The following SLC38A9 variants were observed in gnomAD, a reference collection of about 807,000 sequenced individuals.
SLC38A9 encodes neutral amino acid transporter 9.
SLC38A9 carries 48 observed loss-of-function variants against 62.3 expected under a neutral mutation model. The observed-to-expected ratio is 0.77, with a 90% confidence interval of 0.61 to 0.98. The LOEUF (loss-of-function observed/expected upper bound fraction) is 0.98, where lower values mean the gene tolerates loss of function less well. Ranked by LOEUF, SLC38A9 falls within the 50% of genes least tolerant of loss-of-function variation. The pLI is 0.00. For missense variants in SLC38A9, 541 were observed against 679.8 expected (o/e 0.80, Z 2.27); for synonymous variants, 204 against 227.7 (o/e 0.90, Z 0.94).
chr5:55,706,946 CTT>C (rs574012429), intron 2 of SLC38A9, among the ~76,000 whole-genome samples: 9 of 144,374 alleles, frequency 6.2e-5, no homozygotes, highest in Admixed American at 7.0e-5. Flanking sequence ...GATATGCTTT[CTT>C]TTTTTTTTTT....
intron 11 of SLC38A9, among the ~76,000 whole-genome samples, chr5:55,648,513 A>G (rs766220924): frequency 2.6e-5 from 4 of 152,240 alleles, no homozygotes; most frequent in Non-Finnish European, 4.4e-5. Context: ...TTGAAAAGGC[A>G]TATCAAGAAA....
chr5:55,634,204 C>T, intron 13 of SLC38A9: 1 of 211,698 alleles, frequency 4.7e-6, no homozygotes, highest in Non-Finnish European at 9.4e-6. Context: ...TCCTTCACCA[C>T]AGATAGATCG....
intron 9 of SLC38A9, among the ~76,000 whole-genome samples, chr5:55,656,091 G>T (rs1024853248): frequency 7.0e-6 from 1 of 143,506 alleles, no homozygotes; most frequent in East Asian, 2.1e-4. Flanking sequence ...AGTGATATAG[G>T]TTCTTGAAAA....
intron 2 of SLC38A9, among the ~76,000 whole-genome samples, chr5:55,704,920 C>A (rs192409632): frequency 3.0e-4 from 46 of 152,216 alleles, no homozygotes; most frequent in African/African-American, 9.6e-4. Flanking sequence ...ACTAGTCTTA[C>A]AGGGTTTCGG....
At chr5:55,678,760 A>C (rs1752595389) in intron 3 of SLC38A9, among the ~76,000 whole-genome samples, 1 of 144,996 alleles carries the variant, frequency 6.9e-6, no homozygotes, top group South Asian at 2.2e-4. Context: ...TCCTGGGCTC[A>C]AGTAATCCTC....
At chr5:55,633,976 C>G in intron 13 of SLC38A9, 74 bp from the exon 14 acceptor site, 1 of 1,211,998 alleles carries the variant, frequency 8.3e-7, no homozygotes, top group Non-Finnish European at 1.2e-6. Context: ...GGAATGTCTT[C>G]TGCTTATTTT....
chr5:55,631,772 A>T (rs1485878074), intron 14 of SLC38A9, among the ~76,000 whole-genome samples: 1 of 152,156 alleles, frequency 6.6e-6, no homozygotes, highest in East Asian at 1.9e-4. Context: ...TGTAAATGCA[A>T]TTTTTTTCAA....
chr5:55,663,193 C>T (rs1749900793), intron 8 of SLC38A9, among the ~76,000 whole-genome samples: 3 of 150,366 alleles, frequency 2.0e-5, no homozygotes, highest in African/African-American at 7.3e-5. Flanking sequence ...CCGTGCCTGG[C>T]CTGTGCCTAT....
chr5:55,653,879 G>A (rs895578064), intron 9 of SLC38A9, among the ~76,000 whole-genome samples: 2 of 152,096 alleles, frequency 1.3e-5, no homozygotes, highest in African/African-American at 2.4e-5. Flanking sequence ...GGCTGGTCAC[G>A]AACTCTTGAC....
chr5:55,682,136 G>C (rs576412582), intron 3 of SLC38A9, among the ~76,000 whole-genome samples: 1 of 147,298 alleles, frequency 6.8e-6, no homozygotes. Flanking sequence ...CCATGCCAGG[G>C]AGCATCTGAA....
intron 3 of SLC38A9, chr5:55,691,251 TC>T: frequency 8.2e-7 from 1 of 1,217,356 alleles, no homozygotes; most frequent in Non-Finnish European, 1.2e-6. Context: ...CTCTGACATA[TC>T]CAATTGTTTT....
intron 14 of SLC38A9, among the ~76,000 whole-genome samples, chr5:55,632,918 A>T (rs978979393): frequency 6.6e-6 from 1 of 152,194 alleles, no homozygotes; most frequent in East Asian, 1.9e-4. Context: ...ACCATAAAAA[A>T]GGACAATTTC....
chr5:55,701,909 A>G (rs1756698044), intron 2 of SLC38A9, among the ~76,000 whole-genome samples: 1 of 152,140 alleles, frequency 6.6e-6, no homozygotes, highest in African/African-American at 2.4e-5. Flanking sequence ...CTTTACCACT[A>G]TGCTATGCTG....
Position 55,656,731 on chromosome 5 carries a change from G to T in SLC38A9, c.741C>A (p.Thr247=). 6.3e-7 allele frequency: 1 copy of T among 1,598,270 alleles called. No individual in the cohort carries two copies. The highest frequency in any genetic ancestry group is 8.6e-7 in the Non-Finnish European group (1 of 1,167,130). ...ACTACTTACCAGGGTTGCTATTATT[G>T]GTACTCAGTATAGTGTCTGTGTCAT... ...HINDTDTILS[T]NNSNPVICPS... is the part of the protein sequence containing the mutation. The change falls in exon 9 of 16, where the codon ACC becomes ACA. Residue 247 remains threonine (T), a synonymous_variant. Transcript: ENST00000396865.
chr5:55,692,044 T>C (rs1754824602), intron 3 of SLC38A9, among the ~76,000 whole-genome samples: 1 of 152,198 alleles, frequency 6.6e-6, no homozygotes, highest in Non-Finnish European at 1.5e-5. Context: ...GGATAAGTAA[T>C]CTAAATATAT....
chr5:55,626,356 A>C lies in SLC38A9; in HGVS notation c.*138T>G. Reference sequence around the variant, plus strand: ...ATAAAAAAATACTCATTAAGGGGCCACTATTTCCCTTGCTTTCAAATTATC... The same window carrying C: ...ATAAAAAAATACTCATTAAGGGGCCCCTATTTCCCTTGCTTTCAAATTATC... On this transcript the variant is annotated 3_prime_UTR_variant, in exon 16 of 16. Coordinates refer to ENST00000396865, the MANE Select transcript of SLC38A9 (RefSeq NM_173514.4). The C allele has an allele frequency of 1.3e-6, 1 of 774,262 alleles. No individual in the cohort carries two copies. Among genetic ancestry groups the C allele is most frequent in the Non-Finnish European group, 2.0e-6 (1 of 496,644 alleles). The allele number at this position is 774,262 out of a possible 1,614,324, so 48.0% of individuals were successfully genotyped here. A position where few individuals can be genotyped will look rare whatever the true frequency, so the allele number is the denominator to read the frequency against.
chr5:55,679,325 T>G (rs1043206333), intron 3 of SLC38A9, among the ~76,000 whole-genome samples: 1 of 152,142 alleles, frequency 6.6e-6, no homozygotes, highest in Admixed American at 6.6e-5. Context: ...GAGTTCTCTG[T>G]TTTAGAATTC....
rs1313915680 is a variant in SLC38A9 at position 55,676,388 on chromosome 5, A to T, written c.114-3693T>A. ...GAGACAGGGTCTCGCCATATTGCCC[A>T]GGCTGGTCTCAAACTTCTGGCACAA... On this transcript the variant is annotated intron_variant, in intron 3 of 15. Coordinates refer to ENST00000396865, the MANE Select transcript of SLC38A9 (RefSeq NM_173514.4). Among the ~76,000 whole-genome samples, 4 of 152,152 alleles carry T rather than the reference A, an allele frequency of 2.6e-5. No individual in the cohort carries two copies. The East Asian group carries it at 7.7e-4, about 29-fold the overall frequency.
chr5:55,703,824 G>A (rs1208959002), intron 2 of SLC38A9, among the ~76,000 whole-genome samples: 2 of 152,158 alleles, frequency 1.3e-5, no homozygotes, highest in Non-Finnish European at 2.9e-5. Flanking sequence ...AACTTGAAAA[G>A]ATGATTCCCC....
Sources: gnomAD v4.1 joint callset for allele counts (sites outside exome capture counted in the v4.1 genomes callset) on GRCh38, gnomAD v4.1.1 for gene constraint, MANE v1.5 for transcripts, NCBI Gene and HGNC (gene_info 2026-07-23, HGNC 2026-07-21) for gene names.